Variants in NELL2 observed in about 807,000 individuals in gnomAD.
NELL2 encodes the protein neural EGFL like 2.
A neutral mutation model predicts 109.6 loss-of-function variants in NELL2; 41 were observed. That is an observed-to-expected ratio of 0.37 (90% CI 0.29 to 0.49). The LOEUF (loss-of-function observed/expected upper bound fraction) is 0.49, where lower values mean the gene tolerates loss of function less well. NELL2 is among the 20% of genes least tolerant of loss of function. The pLI is 0.98. For synonymous variants in NELL2, 355 were observed against 344.7 expected, an observed-to-expected ratio of 1.03 and a Z score of -0.33; for missense variants, 900 against 1,008.3, an observed-to-expected ratio of 0.89 and a Z score of 1.45.
At chr12:44,780,098 A>G in intron 3 of NELL2, 76 bp from the exon 4 acceptor site, 1 of 1,473,078 alleles carries the variant, frequency 6.8e-7, no homozygotes. Flanking sequence ...TGTCTACGGG[A>G]TGGAATAGAT....
chr12:44,619,186 G>T (rs1945948922), intron 13 of NELL2, among the ~76,000 whole-genome samples: 1 of 152,100 alleles, frequency 6.6e-6, no homozygotes, highest in African/African-American at 2.4e-5. Context: ...GAAGAACACT[G>T]CAGCTGGAGA....
intron 3 of NELL2, among the ~76,000 whole-genome samples, chr12:44,783,606 A>ATTC (rs57540076): frequency 0.24 from 36,010 of 151,714 alleles, 4,534 homozygotes; most frequent in South Asian, 0.3. Flanking sequence ...AAATGAACTA[A>ATTC]TTCAAAAACA....
chr12:44,552,018 A>G (rs1943060654), intron 15 of NELL2, among the ~76,000 whole-genome samples: 1 of 152,192 alleles, frequency 6.6e-6, no homozygotes, highest in Non-Finnish European at 1.5e-5. Flanking sequence ...GACTGGTCCC[A>G]GAAAAATGAC....
intron 2 of NELL2, among the ~76,000 whole-genome samples, chr12:44,844,483 C>T (rs1461892255): frequency 6.6e-6 from 1 of 152,166 alleles, no homozygotes; most frequent in East Asian, 1.9e-4. Context: ...AGCACTACAA[C>T]ATAGAAAACT....
At chr12:44,548,271 G>T in intron 15 of NELL2, among the ~76,000 whole-genome samples, 1 of 152,140 alleles carries the variant, frequency 6.6e-6, no homozygotes, top group East Asian at 1.9e-4. Context: ...TTATTATGTA[G>T]TAGATTTAAG....
At chr12:44,683,871 G>C (rs1472664119) in intron 12 of NELL2, among the ~76,000 whole-genome samples, 2 of 152,060 alleles carry the variant, frequency 1.3e-5, no homozygotes, top group Non-Finnish European at 1.5e-5. Context: ...GGATATTGGT[G>C]TAAAATTCTC....
chr12:44,638,194 G>A (rs1230316897), intron 13 of NELL2, among the ~76,000 whole-genome samples: 1 of 151,948 alleles, frequency 6.6e-6, no homozygotes, highest in African/African-American at 2.4e-5. Context: ...TTTCTTAACT[G>A]AAAAAACAAA....
intron 12 of NELL2, among the ~76,000 whole-genome samples, chr12:44,686,559 G>A (rs1184586691): frequency 1.3e-5 from 2 of 151,934 alleles, no homozygotes; most frequent in East Asian, 3.9e-4. Context: ...TCTACTTTTG[G>A]TCTTTGATGA....
chr12:44,521,723 G>A (rs1941550848), intron 18 of NELL2, among the ~76,000 whole-genome samples: 1 of 152,006 alleles, frequency 6.6e-6, no homozygotes, highest in Admixed American at 6.6e-5. Context: ...GAAGCTAGGA[G>A]AGTCTTTTCT....
At chr12:44,895,691 T>G (rs1380343084) in intron 1 of NELL2, among the ~76,000 whole-genome samples, 1 of 152,146 alleles carries the variant, frequency 6.6e-6, no homozygotes, top group East Asian at 1.9e-4. Context: ...TGAGGCTTTT[T>G]TTCCTGCATT....
At chr12:44,758,345 A>G (rs898179661) in intron 9 of NELL2, among the ~76,000 whole-genome samples, 13 of 152,234 alleles carry the variant, frequency 8.5e-5, no homozygotes, top group African/African-American at 3.1e-4. Context: ...TCTAAATGCT[A>G]TTCGCTGTGT....
At chr12:44,519,170 T>C (rs993067920) in intron 19 of NELL2, among the ~76,000 whole-genome samples, 13 of 152,204 alleles carry the variant, frequency 8.5e-5, no homozygotes, top group African/African-American at 3.1e-4. Flanking sequence ...TCTGGCTATG[T>C]TATGCTGAGA....
intron 15 of NELL2, among the ~76,000 whole-genome samples, chr12:44,553,451 G>C (rs1432295055): frequency 3.3e-5 from 5 of 152,152 alleles, no homozygotes; most frequent in African/African-American, 1.2e-4. Context: ...ATATACCCAA[G>C]AATTTCCACC....
intron 13 of NELL2, among the ~76,000 whole-genome samples, chr12:44,613,646 T>C (rs1945708464): frequency 6.6e-6 from 1 of 152,148 alleles, no homozygotes; most frequent in Non-Finnish European, 1.5e-5. Context: ...AAAATAAAGT[T>C]GGTTATAGCT....
At chr12:44,768,197 C>T (rs4477493) in intron 9 of NELL2, among the ~76,000 whole-genome samples, 34,189 of 152,022 alleles carry the variant, frequency 0.22, 4,062 homozygotes, top group South Asian at 0.28. Context: ...CTGAAGGCTG[C>T]ATTGTTAATT....
At chr12:44,645,833 C>T (rs541911732) in intron 13 of NELL2, among the ~76,000 whole-genome samples, 1 of 152,118 alleles carries the variant, frequency 6.6e-6, no homozygotes, top group Admixed American at 6.6e-5. Flanking sequence ...TGTCTATACA[C>T]TCCTTAATTC....
At chr12:44,854,548 A>C (rs1438918775) in intron 2 of NELL2, among the ~76,000 whole-genome samples, 1 of 151,838 alleles carries the variant, frequency 6.6e-6, no homozygotes, top group Admixed American at 6.6e-5. Context: ...AAGTGACTTC[A>C]GAAATCGTTT....
At chr12:44,681,506 C>G (rs180832727) in intron 12 of NELL2, among the ~76,000 whole-genome samples, 1 of 151,588 alleles carries the variant, frequency 6.6e-6, no homozygotes, top group Non-Finnish European at 1.5e-5. Context: ...CATGCTGGTG[C>G]GCTGCACCCA....
chr12:44,629,570 T>C (rs901127426), intron 13 of NELL2, among the ~76,000 whole-genome samples: 1 of 152,166 alleles, frequency 6.6e-6, no homozygotes, highest in Non-Finnish European at 1.5e-5. Flanking sequence ...TCTTCATGGA[T>C]AGACTCCATA....
Sources: gnomAD v4.1 joint callset for allele counts (sites outside exome capture counted in the v4.1 genomes callset) on GRCh38, gnomAD v4.1.1 for gene constraint, MANE v1.5 for transcripts, NCBI Gene and HGNC (gene_info 2026-07-23, HGNC 2026-07-21) for gene names.